The following STXBP4 variants were observed in gnomAD, a reference collection of about 807,000 sequenced individuals.
The protein encoded by STXBP4 is syntaxin binding protein 4.
Under a neutral mutation model 76.1 loss-of-function variants are expected in STXBP4, and 55 were observed. The ratio of observed to expected loss-of-function variants is 0.72; its 90% CI spans 0.58 to 0.91. STXBP4 has a LOEUF of 0.91. Ranked by LOEUF, STXBP4 falls within the 40% of genes least tolerant of loss-of-function variation. The pLI is 0.00. For missense variants in STXBP4, 618 were observed against 636.9 expected, an observed-to-expected ratio of 0.97 and a Z score of 0.32; for synonymous variants, 201 against 220.2, an observed-to-expected ratio of 0.91 and a Z score of 0.77.
At chr17:55,185,251 C>CTTCTTCTCCTTCTCCTT in the STXBP4 span, among the ~76,000 whole-genome samples, 1 of 49,330 alleles carries the variant, frequency 2.0e-5, no homozygotes, top group African/African-American at 7.9e-5. Context: ...TTCTTCTTCT[C>CTTCTTCTCCTTCTCCTT]CTTCTCCTTC....
At chr17:55,019,783 G>A (rs1242367725) in intron 8 of STXBP4, among the ~76,000 whole-genome samples, 1 of 151,784 alleles carries the variant, frequency 6.6e-6, no homozygotes, top group Non-Finnish European at 1.5e-5. Flanking sequence ...GAATTTTATT[G>A]GGCATATAAT....
intron 16 of STXBP4, among the ~76,000 whole-genome samples, chr17:55,123,043 C>T (rs1395857439): frequency 6.6e-6 from 1 of 152,054 alleles, no homozygotes; most frequent in Non-Finnish European, 1.5e-5. Context: ...AATGTGTTAT[C>T]CCTCTCCTTT....
chr17:55,199,299 G>A, the STXBP4 span, among the ~76,000 whole-genome samples: 1 of 152,230 alleles, frequency 6.6e-6, no homozygotes, highest in Non-Finnish European at 1.5e-5. Flanking sequence ...TCATATTCTT[G>A]CTGAAAACAG....
At chr17:55,092,166 G>A (rs2079423258) in intron 16 of STXBP4, among the ~76,000 whole-genome samples, 1 of 152,140 alleles carries the variant, frequency 6.6e-6, no homozygotes, top group African/African-American at 2.4e-5. Flanking sequence ...TAGGAAGGCT[G>A]GGAGGGGGTT....
At chr17:55,148,845 A>C (rs937139388) in intron 17 of STXBP4, among the ~76,000 whole-genome samples, 1 of 152,086 alleles carries the variant, frequency 6.6e-6, no homozygotes, top group African/African-American at 2.4e-5. Flanking sequence ...TTTGGCTTTT[A>C]GTGGACACTG....
intron 17 of STXBP4, among the ~76,000 whole-genome samples, chr17:55,146,250 G>A (rs1175190751): frequency 6.6e-6 from 1 of 152,050 alleles, no homozygotes; most frequent in Non-Finnish European, 1.5e-5. Context: ...CTCTATATCT[G>A]CATAATAAAT....
At chr17:55,005,297 G>T (rs2077987570) in intron 7 of STXBP4, among the ~76,000 whole-genome samples, 1 of 152,164 alleles carries the variant, frequency 6.6e-6, no homozygotes, top group South Asian at 2.1e-4. Flanking sequence ...TTGGTCTGGA[G>T]TCACAAGAGA....
chr17:54,974,039 T>C (rs2077435763), intron 1 of STXBP4, among the ~76,000 whole-genome samples: 1 of 152,256 alleles, frequency 6.6e-6, no homozygotes, highest in South Asian at 2.1e-4. Context: ...TATAAAGATG[T>C]ATTATTTTAA....
intron 4 of STXBP4, among the ~76,000 whole-genome samples, chr17:54,994,572 G>C (rs1341123757): frequency 2.0e-5 from 3 of 152,084 alleles, no homozygotes; most frequent in Non-Finnish European, 4.4e-5. Context: ...CAGTCTTCTT[G>C]ATCTTTATTC....
At chr17:55,187,392 T>C in the STXBP4 span, among the ~76,000 whole-genome samples, 2 of 152,086 alleles carry the variant, frequency 1.3e-5, no homozygotes, top group Non-Finnish European at 2.9e-5. Flanking sequence ...CCCTTGTTTC[T>C]TGCCAAACAG....
chr17:55,111,675 A>G (rs2145057550), intron 16 of STXBP4, among the ~76,000 whole-genome samples: 1 of 152,316 alleles, frequency 6.6e-6, no homozygotes, highest in South Asian at 2.1e-4. Context: ...TGCCATAAGT[A>G]AAAGCTCCCT....
intron 12 of STXBP4, among the ~76,000 whole-genome samples, chr17:55,067,817 C>T (rs1437660064): frequency 6.6e-6 from 1 of 152,006 alleles, no homozygotes; most frequent in Non-Finnish European, 1.5e-5. Flanking sequence ...AATTAAGCAA[C>T]AGCTGCAAAT....
chr17:55,007,221 C>A (rs2078024881), intron 7 of STXBP4, among the ~76,000 whole-genome samples: 1 of 151,892 alleles, frequency 6.6e-6, no homozygotes, highest in African/African-American at 2.4e-5. Context: ...CACCTGTAGT[C>A]CCAGCTACTT....
chr17:55,152,254 A>T (rs1363319541), intron 17 of STXBP4, among the ~76,000 whole-genome samples: 1 of 152,158 alleles, frequency 6.6e-6, no homozygotes, highest in African/African-American at 2.4e-5. Flanking sequence ...TATAAAGATG[A>T]GTAGGACACT....
intron 8 of STXBP4, among the ~76,000 whole-genome samples, chr17:55,024,066 A>G (rs919998798): frequency 6.6e-6 from 1 of 152,216 alleles, no homozygotes; most frequent in African/African-American, 2.4e-5. Context: ...ATATGAAAAG[A>G]TGCCCTCTGC....
rs1256355828 is a variant in STXBP4, at chr17:55,031,187, T to C, written c.686T>C (p.Ile229Thr). ...KLEMALNYLG[I>T]QPTKEQHQAL... ...TTCCAGGCTCTAAATTATCTTGGTA[T>C]TCAGCCCACAAAGGAACAACACCAA... Residue 229 changes from isoleucine to threonine, a missense_variant, in exon 9 of 18, where the codon ATT becomes ACT. By Grantham distance (89) the Ile-to-Thr change is moderately conservative (BLOSUM62 -1). Coordinates refer to ENST00000376352, the MANE Select transcript of STXBP4 (RefSeq NM_178509.6). The C allele has an allele frequency of 6.2e-7, 1 of 1,613,238 alleles. No individual in the cohort carries two copies. Among genetic ancestry groups the C allele is most frequent in the Non-Finnish European group, 8.5e-7 (1 of 1,179,376 alleles).
At chr17:55,000,936 A>G (rs913755946) in intron 7 of STXBP4, 53 bp downstream of exon 7, 24 of 1,219,924 alleles carry the variant, frequency 2.0e-5, no homozygotes, top group Non-Finnish European at 2.5e-5. Context: ...TTCTCTCTCA[A>G]TGAGGAGTGT....
At chr17:54,989,002 A>G (rs1290821485) in intron 3 of STXBP4, among the ~76,000 whole-genome samples, 1 of 152,250 alleles carries the variant, frequency 6.6e-6, no homozygotes, top group Non-Finnish European at 1.5e-5. Flanking sequence ...TTCTTTTTAG[A>G]AATTATTTTT....
intron 12 of STXBP4, among the ~76,000 whole-genome samples, chr17:55,066,365 A>G (rs1046413598): frequency 6.6e-6 from 1 of 152,088 alleles, no homozygotes; most frequent in Non-Finnish European, 1.5e-5. Flanking sequence ...CCGGGGTTAC[A>G]GGGTCCTGCC....
Sources: allele counts gnomAD v4.1 joint callset (sites outside exome capture counted in the v4.1 genomes callset), GRCh38; gene constraint gnomAD v4.1.1; transcripts MANE v1.5; gene names NCBI Gene and HGNC (gene_info 2026-07-23, HGNC 2026-07-21).